The following PLCZ1 variants were observed in gnomAD, a reference collection of about 807,000 sequenced individuals.
PLCZ1 encodes the protein 1-phosphatidylinositol 4,5-bisphosphate phosphodiesterase zeta-1.
Under a neutral mutation model 76.8 loss-of-function variants are expected in PLCZ1, and 64 were observed. The observed-to-expected ratio is 0.83, with a 90% CI of 0.68 to 1.03. The LOEUF (loss-of-function observed/expected upper bound fraction) is 1.03, where lower values mean the gene tolerates loss of function less well. Among genes scored for constraint, PLCZ1 ranks in the 50% least tolerant of loss-of-function variants. PLCZ1 has a pLI of 0.00. For synonymous variants in PLCZ1, 248 were observed against 230.8 expected, an observed-to-expected ratio of 1.07 and a Z score of -0.68; for missense variants, 751 against 713.7, an observed-to-expected ratio of 1.05 and a Z score of -0.60.
At chr12:18,701,244 C>A (rs1255739844) in intron 9 of PLCZ1, among the ~76,000 whole-genome samples, 1 of 152,044 alleles carries the variant, frequency 6.6e-6, no homozygotes, top group Non-Finnish European at 1.5e-5. Context: ...CTCAGCCTCC[C>A]AAAGTGCTGG....
the PLCZ1 span, among the ~76,000 whole-genome samples, chr12:18,664,497 C>G: frequency 6.6e-6 from 1 of 151,998 alleles, no homozygotes; most frequent in Non-Finnish European, 1.5e-5. Flanking sequence ...GGGCATTATG[C>G]TAAGTGAAAT....
the PLCZ1 span, among the ~76,000 whole-genome samples, chr12:18,665,677 C>G: frequency 6.6e-6 from 1 of 152,124 alleles, no homozygotes; most frequent in Non-Finnish European, 1.5e-5. Context: ...TGGCTCATGC[C>G]TATAATCCCA....
chr12:18,647,648 G>C, the PLCZ1 span, among the ~76,000 whole-genome samples: 4,600 of 150,644 alleles, frequency 0.031, 218 homozygotes, highest in African/African-American at 0.11. Context: ...AGTGGAATCA[G>C]TAAATTCTAG....
the PLCZ1 span, among the ~76,000 whole-genome samples, chr12:18,660,630 G>C: frequency 6.6e-6 from 1 of 152,106 alleles, no homozygotes; most frequent in Non-Finnish European, 1.5e-5. Context: ...CCTCAGGCTG[G>C]TCCTTGGCAC....
the PLCZ1 span, among the ~76,000 whole-genome samples, chr12:18,657,187 C>T: frequency 6.6e-6 from 1 of 152,074 alleles, no homozygotes; most frequent in Admixed American, 6.6e-5. Context: ...TTTGCCACTG[C>T]TGCTGGGGAC....
chr12:18,691,690 C>A (rs1954111813), intron 12 of PLCZ1, among the ~76,000 whole-genome samples: 1 of 152,120 alleles, frequency 6.6e-6, no homozygotes, highest in Admixed American at 6.6e-5. Context: ...AAAAAGATGT[C>A]AACATTATAA....
intron 4 of PLCZ1, among the ~76,000 whole-genome samples, chr12:18,722,877 T>A (rs1364427981): frequency 6.6e-6 from 1 of 152,050 alleles, no homozygotes; most frequent in Non-Finnish European, 1.5e-5. Context: ...TCTTAGAATT[T>A]TTTTTCATTT....
the PLCZ1 span, among the ~76,000 whole-genome samples, chr12:18,669,909 T>C: frequency 6.6e-6 from 1 of 152,082 alleles, no homozygotes; most frequent in Non-Finnish European, 1.5e-5. Flanking sequence ...GACCTTGTGA[T>C]CCGCCCACCT....
rs756699022 is a variant in PLCZ1, at chr12:18,683,267, A to G, written c.1799T>C (p.Leu600Pro). 1.2e-6 allele frequency: 2 copies of G among 1,612,644 alleles called. No homozygotes were observed. The highest frequency in any genetic ancestry group is 1.1e-5 in the South Asian group (1 of 91,066). The change falls in exon 15 of 15, where the codon CTG (leucine) becomes CCG (proline). Residue 600 changes from leucine (L) to proline (P), a missense_variant. Coordinates refer to ENST00000266505, the MANE Select transcript of PLCZ1 (RefSeq NM_033123.4). ...RMGESLEPASLFVYVWYVR is the reference protein window; with the variant it reads ...RMGESLEPASPFVYVWYVR ...TCTGACGTACCAAACATAAACAAAC[A>G]GTGAAGCAGGCTCAAGGCTCTCACC... is the stretch of plus-strand genomic sequence containing the variant.
At position 18,715,156 on chromosome 12, in the gene PLCZ1, A is replaced by C. The variant is rs772244970; in HGVS notation, c.570-2170T>G. ...TGAATTCAGGACTGCCTAAAATATG[A>C]GAGAAAGGCGGTGGGGGGGGGGGGG... On this transcript the variant is annotated intron_variant, in intron 5 of 14. Coordinates refer to ENST00000266505, the MANE Select transcript of PLCZ1 (RefSeq NM_033123.4). Among the ~76,000 whole-genome samples, 98 of 16,686 alleles carry C rather than the reference A, an allele frequency of 5.9e-3. 3 individuals carry two copies. The highest frequency in any genetic ancestry group is 0.013 in the African/African-American group (76 of 5,802). The allele number at this position is 16,686 out of a possible 152,430, so 10.9% of individuals were successfully genotyped here. A position where few individuals can be genotyped will look rare whatever the true frequency, so the allele number is the denominator to read the frequency against.
intron 3 of PLCZ1, among the ~76,000 whole-genome samples, chr12:18,732,087 C>A (rs1959079696): frequency 6.6e-6 from 1 of 152,016 alleles, no homozygotes; most frequent in East Asian, 1.9e-4. Context: ...AAGTATACAG[C>A]CATGAATTTA....
intron 5 of PLCZ1, chr12:18,714,728 G>A (rs567431235): frequency 6.6e-6 from 1 of 152,266 alleles, no homozygotes; most frequent in African/African-American, 2.4e-5. Context: ...AATGTCTGGA[G>A]ACATTTTCGG....
chr12:18,723,352 A>G lies in PLCZ1; in HGVS notation c.326T>C (p.Ile109Thr). 6.2e-7 allele frequency: 1 copy of G among 1,612,752 alleles called. No individual in the cohort carries two copies. Among genetic ancestry groups the G allele is most frequent in the African/African-American group, 1.3e-5 (1 of 74,996 alleles). ...EQYAAEMSKA[I>T]AFEIIQKYEP... The stretch of plus-strand genomic sequence containing the variant: ...GTATTTCTGAATGATCTCAAAAGCA[A>G]TAGCTTTACTCATCTCAGCTGCATA... Residue 109 changes from isoleucine to threonine, a missense_variant, in exon 4 of 15, where the codon ATT becomes ACT. Transcript: ENST00000266505.
At chr12:18,685,494 C>T (rs1952973104) in intron 13 of PLCZ1, 1 of 218,948 alleles carries the variant, frequency 4.6e-6, no homozygotes, top group African/African-American at 2.3e-5. Context: ...ACTTACATTT[C>T]CAGAAGCACT....
At chr12:18,665,434 G>A in the PLCZ1 span, among the ~76,000 whole-genome samples, 1 of 152,078 alleles carries the variant, frequency 6.6e-6, no homozygotes, top group Non-Finnish European at 1.5e-5. Context: ...AACAGTCATT[G>A]GTAATGTATT....
chr12:18,667,581 C>T, the PLCZ1 span, among the ~76,000 whole-genome samples: 3 of 152,000 alleles, frequency 2.0e-5, no homozygotes, highest in Admixed American at 2.0e-4. Context: ...ATCCTTTCTT[C>T]ATGATCCTTC....
intron 3 of PLCZ1, among the ~76,000 whole-genome samples, chr12:18,731,306 A>C (rs1959035049): frequency 6.6e-6 from 1 of 151,844 alleles, no homozygotes; most frequent in South Asian, 2.1e-4. Context: ...AGTTTTGTTT[A>C]CTGTTTCCTA....
chr12:18,683,293 C>T lies in PLCZ1; in HGVS notation c.1773G>A (p.Met591Ile), dbSNP rs1319402442. Residue 591 changes from methionine to isoleucine, a missense_variant, in exon 15 of 15, where the codon ATG (methionine) becomes ATA (isoleucine). By Grantham distance (10) the Met-to-Ile change is conservative. Coordinates refer to ENST00000266505, the MANE Select transcript of PLCZ1 (RefSeq NM_033123.4). Reference protein sequence around the residue: ...GYRRIPLFSRMGESLEPASLF... With the variant: ...GYRRIPLFSRIGESLEPASLF... Reference sequence around the variant, plus strand: ...GTGAAGCAGGCTCAAGGCTCTCACCCATTCTGGAAAACAGAGGAATACGAC... The same window carrying T: ...GTGAAGCAGGCTCAAGGCTCTCACCTATTCTGGAAAACAGAGGAATACGAC... 1.2e-6 allele frequency: 2 copies of T among 1,612,462 alleles called. No homozygotes were observed. The highest frequency in any genetic ancestry group is 4.5e-5 in the East Asian group (2 of 44,816).
intron 12 of PLCZ1, chr12:18,692,672 C>A: frequency 1.5e-6 from 1 of 668,372 alleles, no homozygotes; most frequent in Non-Finnish European, 2.6e-6. Context: ...ATCATTTCTA[C>A]ATTGAAATCA....
Sources: allele counts gnomAD v4.1 joint callset (sites outside exome capture counted in the v4.1 genomes callset), GRCh38; gene constraint gnomAD v4.1.1; transcripts MANE v1.5; gene names NCBI Gene and HGNC (gene_info 2026-07-23, HGNC 2026-07-21).